The following PTPRN2 variants were observed in gnomAD, a reference collection of about 807,000 sequenced individuals.
PTPRN2 encodes the protein receptor-type tyrosine-protein phosphatase N2.
In PTPRN2, 74 loss-of-function variants were observed where a neutral mutation model predicts 118.8. The ratio of observed to expected loss-of-function variants is 0.62; its 90% confidence interval spans 0.52 to 0.76. The LOEUF (loss-of-function observed/expected upper bound fraction) is 0.76, where lower values mean the gene tolerates loss of function less well. PTPRN2 is among the 30% of genes least tolerant of loss of function. The pLI, the probability that PTPRN2 is intolerant of heterozygous loss-of-function variation, is 0.00. For synonymous variants in PTPRN2, 641 were observed against 608.0 expected, an observed-to-expected ratio of 1.05 and a Z score of -0.80; for missense variants, 1,481 against 1,394.4, an observed-to-expected ratio of 1.06 and a Z score of -0.99.
In PTPRN2 at chr7:158,274,427, C is replaced by G. The variant is rs1798815972; in HGVS notation, c.277+42392G>C. On this transcript the variant is annotated intron_variant, in intron 3 of 22. Coordinates refer to ENST00000389418, the MANE Select transcript of PTPRN2 (RefSeq NM_002847.5). ...CCACAGGCACAGGGGGAGCCGCAGA[C>G]AGACATGGGAGGAGCCGCAGACACG... is the stretch of plus-strand genomic sequence containing the variant. Among the ~76,000 whole-genome samples the G allele has an allele frequency of 3.7e-5, 5 of 134,478 alleles. No homozygotes were observed. The South Asian group carries it at 9.8e-4, about 26-fold the overall frequency. The allele number at this position is 134,478 out of a possible 152,430, so 88.2% of individuals were successfully genotyped here.
At chr7:157,940,904 C>T (rs1479228706) in intron 11 of PTPRN2, among the ~76,000 whole-genome samples, 1 of 47,114 alleles carries the variant, frequency 2.1e-5, no homozygotes, top group Non-Finnish European at 3.3e-5. Flanking sequence ...GCAAATCTAA[C>T]ACCCCCCCGT....
intron 13 of PTPRN2, among the ~76,000 whole-genome samples, chr7:157,660,683 G>A (rs914967448): frequency 6.6e-6 from 1 of 152,302 alleles, no homozygotes; most frequent in South Asian, 2.1e-4. Flanking sequence ...AGTTAGGGCC[G>A]TTCTCTAAGC....
intron 13 of PTPRN2, among the ~76,000 whole-genome samples, chr7:157,675,352 G>T (rs1265310483): frequency 6.6e-6 from 1 of 152,138 alleles, no homozygotes; most frequent in Non-Finnish European, 1.5e-5. Context: ...GCCCGAGGCT[G>T]CACCTGCACC....
chr7:158,066,548 A>G (rs1810792571), intron 11 of PTPRN2, among the ~76,000 whole-genome samples: 1 of 152,178 alleles, frequency 6.6e-6, no homozygotes, highest in African/African-American at 2.4e-5. Flanking sequence ...CAAGACATTT[A>G]CAAAACACCG....
intron 3 of PTPRN2, among the ~76,000 whole-genome samples, chr7:158,306,713 T>C (rs1236379438): frequency 4.6e-5 from 7 of 152,218 alleles, no homozygotes; most frequent in Non-Finnish European, 1.0e-4. Flanking sequence ...ACTATGTTAT[T>C]TAAAATATTG....
At chr7:158,470,282 A>G (rs1349848762) in intron 2 of PTPRN2, among the ~76,000 whole-genome samples, 6 of 152,250 alleles carry the variant, frequency 3.9e-5, no homozygotes, top group South Asian at 2.1e-4. Context: ...AGAGACAACA[A>G]TACATTTTCC....
chr7:158,135,352 A>T (rs983990184), intron 8 of PTPRN2, among the ~76,000 whole-genome samples: 1 of 152,234 alleles, frequency 6.6e-6, no homozygotes, highest in Non-Finnish European at 1.5e-5. Flanking sequence ...TGGATCCTCA[A>T]TGACAATAGG....
chr7:158,091,936 AT>A (rs1814201111), intron 10 of PTPRN2, among the ~76,000 whole-genome samples: 2 of 3,920 alleles, frequency 5.1e-4, no homozygotes, highest in Non-Finnish European at 4.9e-4. Context: ...GGGTGGGTGG[AT>A]GGGTGAGGGA....
At chr7:157,730,048 T>G (rs1031980780) in intron 12 of PTPRN2, among the ~76,000 whole-genome samples, 2 of 152,188 alleles carry the variant, frequency 1.3e-5, no homozygotes, top group Non-Finnish European at 2.9e-5. Flanking sequence ...GAAAATGATT[T>G]TTATACAATA....
chr7:158,321,176 G>T (rs1335241919), intron 2 of PTPRN2, among the ~76,000 whole-genome samples: 2 of 152,242 alleles, frequency 1.3e-5, no homozygotes, highest in East Asian at 3.9e-4. Context: ...ACCAGTCCAG[G>T]CTGAGCTCCA....
chr7:158,501,743 C>G (rs1284300735), intron 1 of PTPRN2, among the ~76,000 whole-genome samples: 3 of 152,146 alleles, frequency 2.0e-5, no homozygotes, highest in Non-Finnish European at 2.9e-5. Context: ...GAGGCCAACG[C>G]GTGTTTCGGC....
Position 157,990,173 on chromosome 7 carries a change from A to G in PTPRN2, c.1723+91125T>C, listed in dbSNP as rs1187733307. Among the ~76,000 whole-genome samples the G allele has an allele frequency of 1.3e-5, 2 of 151,906 alleles. No individual in the cohort carries two copies. Among genetic ancestry groups the G allele is most frequent in the Non-Finnish European group, 2.9e-5 (2 of 67,986 alleles). ...GCAGCTGGGGACACGAGTTAATGTG[A>G]GTGCGAGCCCAGGGCAGAGCGGGCC... On this transcript the variant is annotated intron_variant, in intron 11 of 22. Coordinates refer to ENST00000389418, the MANE Select transcript of PTPRN2 (RefSeq NM_002847.5). The surrounding 1 kb of genome is among the most constrained non-coding windows in gnomAD (Gnocchi z 4.3).
At chr7:158,431,721 T>A (rs1442064222) in intron 2 of PTPRN2, among the ~76,000 whole-genome samples, 6 of 124,632 alleles carry the variant, frequency 4.8e-5, no homozygotes, top group African/African-American at 1.6e-4. Context: ...ACATACTGGC[T>A]CACACTGGCT....
chr7:157,548,862 GC>G (rs3214337), intron 22 of PTPRN2, 83 bp downstream of exon 22: 592,297 of 1,315,826 alleles, frequency 0.45, 136,259 homozygotes, highest in South Asian at 0.57. Context: ...ATTAAACCAG[GC>G]CCTCCCCGTG....
At position 157,813,926 on chromosome 7, in the gene PTPRN2, C is replaced by A. The variant is rs1051199976; in HGVS notation, c.1788+84747G>T. ...GATGCTGCTGGTGACCCCGGGGACCCCGCCGTGAGAGCCCCGACACAAGTC... is the reference window on the plus strand; with the variant it reads ...GATGCTGCTGGTGACCCCGGGGACCACGCCGTGAGAGCCCCGACACAAGTC... On this transcript the variant is annotated intron_variant, in intron 12 of 22. Coordinates refer to ENST00000389418, the MANE Select transcript of PTPRN2 (RefSeq NM_002847.5). This position sits in a 1 kb window ranked among gnomAD's most constrained non-coding sequence, Gnocchi z 4.7. Among the ~76,000 whole-genome samples the A allele has an allele frequency of 6.6e-6, 1 of 152,264 alleles. No homozygotes were observed. The highest frequency in any genetic ancestry group is 2.4e-5 in the African/African-American group (1 of 41,470).
At chr7:158,150,928 G>T (rs576075258) in intron 6 of PTPRN2, among the ~76,000 whole-genome samples, 2 of 151,864 alleles carry the variant, frequency 1.3e-5, no homozygotes, top group African/African-American at 2.4e-5. Context: ...ACACAACACC[G>T]AGAAGCTGGG....
chr7:158,071,359 A>T (rs1404280703), intron 11 of PTPRN2, among the ~76,000 whole-genome samples: 2 of 88,542 alleles, frequency 2.3e-5, no homozygotes, highest in East Asian at 4.0e-4. Flanking sequence ...GTGGTGGTGG[A>T]GGTGCTCATG....
chr7:157,910,631 T>C (rs1460473058), intron 11 of PTPRN2, among the ~76,000 whole-genome samples: 2 of 152,234 alleles, frequency 1.3e-5, no homozygotes, highest in African/African-American at 4.8e-5. Flanking sequence ...AACCTGATCG[T>C]TTGTATGCAA....
chr7:158,396,094 C>T (rs1314998652), intron 2 of PTPRN2, among the ~76,000 whole-genome samples: 1 of 152,156 alleles, frequency 6.6e-6, no homozygotes, highest in Admixed American at 6.5e-5. Flanking sequence ...GACCAAGCTC[C>T]CAGGCTGCAG....
Sources: allele counts gnomAD v4.1 joint callset (sites outside exome capture counted in the v4.1 genomes callset), GRCh38; gene constraint gnomAD v4.1.1; non-coding constraint Gnocchi (gnomAD v3.1); transcripts MANE v1.5; gene names NCBI Gene and HGNC (gene_info 2026-07-23, HGNC 2026-07-21).